The following TAOK3 variants were observed in gnomAD, a reference collection of about 807,000 sequenced individuals.
The protein encoded by TAOK3 is serine/threonine-protein kinase TAO3.
Under a neutral mutation model 120.4 loss-of-function variants are expected in TAOK3, and 40 were observed. The observed-to-expected ratio is 0.33, with a 90% CI of 0.26 to 0.43. The LOEUF (loss-of-function observed/expected upper bound fraction) is 0.43. Among genes scored for constraint, TAOK3 ranks in the 20% least tolerant of loss-of-function variants. TAOK3 has a pLI of 1.00. For missense variants in TAOK3, 821 were observed against 1,112.1 expected, an observed-to-expected ratio of 0.74 and a Z score of 3.72; for synonymous variants, 355 against 387.5, an observed-to-expected ratio of 0.92 and a Z score of 0.99.
At chr12:118,363,402 A>G (rs1168311915) in intron 1 of TAOK3, among the ~76,000 whole-genome samples, 1 of 152,212 alleles carries the variant, frequency 6.6e-6, no homozygotes, top group Non-Finnish European at 1.5e-5. Flanking sequence ...TACTAGTTGC[A>G]AGACACTAGG....
chr12:118,333,682 G>A (rs1295448675), intron 1 of TAOK3, among the ~76,000 whole-genome samples: 1 of 151,428 alleles, frequency 6.6e-6, no homozygotes, highest in Non-Finnish European at 1.5e-5. Flanking sequence ...AAAAATCAAT[G>A]AAATCAAAAC....
At position 118,363,727 on chromosome 12, in the gene TAOK3, AGTGT is replaced by A. The variant is rs552898130; in HGVS notation, c.-194+8917_-194+8920del. Among the ~76,000 whole-genome samples, 141 of 147,494 alleles carry A rather than the reference AGTGT, an allele frequency of 9.6e-4. No individual in the cohort carries two copies. In the Middle Eastern group the frequency reaches 0.056, roughly 59 times the overall value. On this transcript the variant is annotated intron_variant, in intron 1 of 20. Transcript: ENST00000392533. The stretch of plus-strand genomic sequence containing the variant: ...TTAAGAAGACCAGTCTGGTCAAGGC[AGTGT>A]GTGTGTGTGTGTGTGTGTGTGTGTG...
chr12:118,368,145 C>T (rs61943369), intron 1 of TAOK3, among the ~76,000 whole-genome samples: 29,857 of 152,166 alleles, frequency 0.2, 2,927 homozygotes, highest in East Asian at 0.26. Flanking sequence ...CAATGTGTGG[C>T]TGCTGTAAGC....
intron 20 of TAOK3, 140 bp from the exon 21 acceptor site, chr12:118,151,298 C>T: frequency 2.0e-6 from 1 of 495,500 alleles, no homozygotes; most frequent in Non-Finnish European, 3.4e-6. Flanking sequence ...CGCACACACA[C>T]ACACACACAC....
intron 19 of TAOK3, 27 bp from the exon 20 acceptor site, chr12:118,152,436 C>T (rs2034516051): frequency 6.3e-7 from 1 of 1,587,666 alleles, no homozygotes; most frequent in Non-Finnish European, 8.6e-7. Flanking sequence ...CACACACGGT[C>T]ATGCACCCTT....
chr12:118,302,661 T>G (rs1369400626), intron 1 of TAOK3, among the ~76,000 whole-genome samples: 1 of 152,170 alleles, frequency 6.6e-6, no homozygotes, highest in Non-Finnish European at 1.5e-5. Flanking sequence ...AAAAATCTTC[T>G]GCACATATTA....
rs1258024703 is a variant in TAOK3, at chr12:118,151,153, T to C, written c.2541A>G (p.Glu847=). Residue 847 remains glutamate, a synonymous_variant, in exon 21 of 21, where the codon GAA becomes GAG. Coordinates refer to ENST00000392533, the MANE Select transcript of TAOK3 (RefSeq NM_016281.4). ...CCTTCTGAAGGGCAGCCAGCTCCTC[T>C]TCAATCTGAAAGAAGCACGATGCAG... ...LRRAHLEQKI[E]EELAALQKER... 1.2e-6 allele frequency: 2 copies of C among 1,612,280 alleles called. No homozygotes were observed.
intron 10 of TAOK3, 32 bp downstream of exon 10, chr12:118,213,985 C>T (rs2038755509): frequency 6.4e-7 from 1 of 1,556,356 alleles, no homozygotes; most frequent in African/African-American, 1.4e-5. Flanking sequence ...CGGTGATTTT[C>T]TTAGAGATTT....
At chr12:118,212,373 T>C (rs2038676011) in intron 11 of TAOK3, among the ~76,000 whole-genome samples, 1 of 152,236 alleles carries the variant, frequency 6.6e-6, no homozygotes, top group African/African-American at 2.4e-5. Context: ...CAGTAAAATA[T>C]TACATGAAAA....
intron 1 of TAOK3, among the ~76,000 whole-genome samples, chr12:118,275,147 T>C (rs1433338128): frequency 6.6e-6 from 1 of 152,154 alleles, no homozygotes; most frequent in African/African-American, 2.4e-5. Context: ...GTTTCATTTT[T>C]TAGAGAGACA....
At chr12:118,327,053 A>C (rs547290651) in intron 1 of TAOK3, among the ~76,000 whole-genome samples, 1 of 152,354 alleles carries the variant, frequency 6.6e-6, no homozygotes, top group East Asian at 1.9e-4. Context: ...CTACATGATT[A>C]TTGCAAAACA....
At chr12:118,358,512 A>C (rs2045482779) in intron 1 of TAOK3, among the ~76,000 whole-genome samples, 1 of 152,166 alleles carries the variant, frequency 6.6e-6, no homozygotes, top group South Asian at 2.1e-4. Flanking sequence ...TGATTGTAAA[A>C]TATTGTTTTA....
At chr12:118,335,197 A>AT (rs2044317639) in intron 1 of TAOK3, among the ~76,000 whole-genome samples, 1 of 152,044 alleles carries the variant, frequency 6.6e-6, no homozygotes, top group African/African-American at 2.4e-5. Flanking sequence ...AAAAAAAAAA[A>AT]AAAATCTGTT....
chr12:118,257,773 T>G (rs2041054027), intron 2 of TAOK3, among the ~76,000 whole-genome samples: 1 of 152,198 alleles, frequency 6.6e-6, no homozygotes, highest in South Asian at 2.1e-4. Context: ...GTCTAGTTAG[T>G]TCACTAGTAT....
intron 5 of TAOK3, among the ~76,000 whole-genome samples, chr12:118,240,286 TCTC>T (rs2040192826): frequency 6.6e-6 from 1 of 151,606 alleles, no homozygotes; most frequent in African/African-American, 2.4e-5. Context: ...TTCAAGCACT[TCTC>T]CTGCCTCAGC....
chr12:118,282,591 T>C (rs2042133841), intron 1 of TAOK3, among the ~76,000 whole-genome samples: 1 of 152,202 alleles, frequency 6.6e-6, no homozygotes, highest in South Asian at 2.1e-4. Context: ...ATAAATGTAT[T>C]TGTAAGATAG....
chr12:118,332,273 A>C (rs2044185329), intron 1 of TAOK3, among the ~76,000 whole-genome samples: 2 of 151,536 alleles, frequency 1.3e-5, no homozygotes, highest in African/African-American at 2.4e-5. Context: ...CCCTTCCCCC[A>C]ACCCCCACCC....
chr12:118,356,215 C>T (rs1328996558), intron 1 of TAOK3, among the ~76,000 whole-genome samples: 1 of 152,048 alleles, frequency 6.6e-6, no homozygotes, highest in East Asian at 1.9e-4. Flanking sequence ...ACTGTCCCCT[C>T]CCCTCTTTTA....
intron 2 of TAOK3, among the ~76,000 whole-genome samples, chr12:118,263,828 G>A (rs925405126): frequency 6.6e-6 from 1 of 152,198 alleles, no homozygotes; most frequent in Non-Finnish European, 1.5e-5. Context: ...CACTTTGGGA[G>A]GCGGAGGTGG....
Sources: gnomAD v4.1 joint callset for allele counts (sites outside exome capture counted in the v4.1 genomes callset) on GRCh38, gnomAD v4.1.1 for gene constraint, MANE v1.5 for transcripts, NCBI Gene and HGNC (gene_info 2026-07-23, HGNC 2026-07-21) for gene names.